JARID2: variants seen among roughly 807,000 people sequenced by gnomAD.
JARID2 encodes jumonji and AT-rich interaction domain containing 2.
A neutral mutation model predicts 125.6 loss-of-function variants in JARID2; 21 were observed. The ratio of observed to expected loss-of-function variants is 0.17; its 90% CI spans 0.12 to 0.24. JARID2 has a LOEUF of 0.24. Ranked by LOEUF, JARID2 falls within the 10% of genes least tolerant of loss-of-function variation. The pLI is 1.00. For synonymous variants in JARID2, 736 were observed against 661.6 expected, an observed-to-expected ratio of 1.11 and a Z score of -1.73; for missense variants, 1,303 against 1,639.6, an observed-to-expected ratio of 0.79 and a Z score of 3.55.
chr6:15,340,377 G>A (rs1763026878), intron 1 of JARID2, among the ~76,000 whole-genome samples: 1 of 152,166 alleles, frequency 6.6e-6, no homozygotes, highest in South Asian at 2.1e-4. Context: ...TGTGACTTGT[G>A]CGACATCATT....
Position 15,487,410 on chromosome 6 carries a change from T to C in JARID2, c.774T>C (p.Ala258=). 1 of 1,614,264 alleles carries C rather than the reference T, an allele frequency of 6.2e-7. No individual in the cohort carries two copies. The highest frequency in any genetic ancestry group is 8.5e-7 in the Non-Finnish European group (1 of 1,180,052). ...PAKEKHSDHR[A]DSRREQASAN... The stretch of plus-strand genomic sequence containing the variant: ...AGGAGAAGCACAGCGATCACCGGGC[T>C]GACAGCCGCCGGGAGCAGGCTTCAG... Residue 258 remains alanine, a synonymous_variant, in exon 6 of 18, where the codon GCT becomes GCC. Transcript: ENST00000341776.
At chr6:15,339,316 A>C (rs189097413) in intron 1 of JARID2, among the ~76,000 whole-genome samples, 196 of 152,306 alleles carry the variant, frequency 1.3e-3, no homozygotes, top group African/African-American at 4.4e-3. Flanking sequence ...GCCAAGGGAC[A>C]GCTAATCCTA....
intron 3 of JARID2, among the ~76,000 whole-genome samples, chr6:15,416,029 G>A (rs1198665895): frequency 6.6e-6 from 1 of 150,962 alleles, no homozygotes; most frequent in African/African-American, 2.4e-5. Context: ...CCCGGTAGAG[G>A]CGCTCCTCAC....
chr6:15,515,515 C>T (rs1028790976), intron 16 of JARID2, among the ~76,000 whole-genome samples: 3 of 152,014 alleles, frequency 2.0e-5, no homozygotes, highest in East Asian at 1.9e-4. Flanking sequence ...ATTGTGAGGC[C>T]GGGCATGGTA....
chr6:15,368,644 A>C, intron 1 of JARID2: 2 of 468,746 alleles, frequency 4.3e-6, no homozygotes, highest in Non-Finnish European at 8.6e-6. Context: ...GATTAAAGGA[A>C]CTAGCATTAC....
chr6:15,388,194 T>C (rs1046510776), intron 2 of JARID2, among the ~76,000 whole-genome samples: 3 of 152,200 alleles, frequency 2.0e-5, no homozygotes, highest in African/African-American at 7.2e-5. Context: ...TTGCTGTGCT[T>C]GTGAATGTCT....
At chr6:15,343,978 C>T (rs541850413) in intron 1 of JARID2, among the ~76,000 whole-genome samples, 2 of 152,186 alleles carry the variant, frequency 1.3e-5, no homozygotes, top group South Asian at 2.1e-4. Flanking sequence ...GCTGATCCTG[C>T]GGAGAGGACC....
intron 6 of JARID2, among the ~76,000 whole-genome samples, chr6:15,488,332 T>C (rs1364884447): frequency 1.3e-5 from 2 of 152,244 alleles, no homozygotes; most frequent in African/African-American, 4.8e-5. Context: ...GGCACACAGC[T>C]GAGGGCTTGT....
chr6:15,325,129 T>G (rs1028019946), intron 1 of JARID2, among the ~76,000 whole-genome samples: 2 of 152,200 alleles, frequency 1.3e-5, no homozygotes, highest in Non-Finnish European at 2.9e-5. Context: ...TACTTCCTCT[T>G]CAAACATGGT....
At chr6:15,425,452 C>T (rs1334676072) in intron 3 of JARID2, among the ~76,000 whole-genome samples, 1 of 152,134 alleles carries the variant, frequency 6.6e-6, no homozygotes, top group Non-Finnish European at 1.5e-5. Flanking sequence ...ATGTGCCCCC[C>T]AAATTTCATG....
chr6:15,294,354 G>T (rs750074206), intron 1 of JARID2, among the ~76,000 whole-genome samples: 1 of 152,060 alleles, frequency 6.6e-6, no homozygotes, highest in Non-Finnish European at 1.5e-5. Flanking sequence ...CAGCACACCC[G>T]GCTAATTTTT....
intron 6 of JARID2, among the ~76,000 whole-genome samples, chr6:15,494,786 C>T (rs1051281507): frequency 2.0e-5 from 3 of 152,214 alleles, no homozygotes; most frequent in African/African-American, 7.2e-5. Flanking sequence ...CATTACCCGC[C>T]ATCTGGGGAC....
chr6:15,372,619 G>A (rs1764213114), intron 1 of JARID2, among the ~76,000 whole-genome samples: 1 of 152,106 alleles, frequency 6.6e-6, no homozygotes, highest in African/African-American at 2.4e-5. Flanking sequence ...CTCTCAAAGT[G>A]CTGGGATTAC....
chr6:15,273,420 A>G (rs1324104539), intron 1 of JARID2, among the ~76,000 whole-genome samples: 1 of 152,220 alleles, frequency 6.6e-6, no homozygotes, highest in East Asian at 1.9e-4. Context: ...ACTGTTTTTC[A>G]GCCAGATGTG....
intron 2 of JARID2, among the ~76,000 whole-genome samples, chr6:15,374,713 A>C (rs879584944): frequency 6.6e-6 from 1 of 152,126 alleles, no homozygotes; most frequent in Non-Finnish European, 1.5e-5. Context: ...ACAGCTTTGC[A>C]TACCTCTAGA....
rs763193583 is a variant in JARID2 at position 15,501,312 on chromosome 6, C to G, written c.2351C>G (p.Thr784Ser). Reference protein sequence around the residue: ...LKEVGQAQLKTGRRRLFAQEK... With the variant: ...LKEVGQAQLKSGRRRLFAQEK... ...GAGGTGGGCCAGGCCCAGTTGAAGA[C>G]TGGCCGGCGGCGACTCTTCGCTCAG... The change falls in exon 8 of 18, where the codon ACT (threonine) becomes AGT (serine). Residue 784 changes from threonine (T) to serine (S), a missense_variant. Around this residue, in one of 11 missense-constraint regions of JARID2, gnomAD observed 124 missense variants for 131.0 expected, o/e 0.95. Transcript: ENST00000341776. 7 of 1,611,618 alleles carry G rather than the reference C, an allele frequency of 4.3e-6. No homozygotes were observed. In the African/African-American group the frequency reaches 8.0e-5, roughly 18 times the overall value.
chr6:15,471,333 C>T (rs1450431077), intron 5 of JARID2, among the ~76,000 whole-genome samples: 1 of 152,094 alleles, frequency 6.6e-6, no homozygotes, highest in Non-Finnish European at 1.5e-5. Context: ...GAAAGGAAAC[C>T]TCTGGAGAAC....
intron 1 of JARID2, among the ~76,000 whole-genome samples, chr6:15,333,086 C>G (rs1762771244): frequency 2.0e-5 from 3 of 151,810 alleles, no homozygotes; most frequent in Admixed American, 2.0e-4. Context: ...GCGCCCACCA[C>G]CAGGCCCGGC....
intron 1 of JARID2, among the ~76,000 whole-genome samples, chr6:15,360,247 A>G (rs1763745735): frequency 6.6e-6 from 1 of 151,974 alleles, no homozygotes; most frequent in African/African-American, 2.4e-5. Flanking sequence ...CAGTGGCATG[A>G]TCTCAGTTCA....
Sources: allele counts gnomAD v4.1 joint callset (sites outside exome capture counted in the v4.1 genomes callset), GRCh38; gene constraint gnomAD v4.1.1; regional missense constraint gnomAD v4.1.1; transcripts MANE v1.5; gene names NCBI Gene and HGNC (gene_info 2026-07-23, HGNC 2026-07-21).